Variants in TMCO6 observed in about 807,000 individuals in gnomAD.
The protein encoded by TMCO6 is transmembrane and coiled-coil domains 6, also known as transmembrane and coiled-coil domain-containing protein 6.
A neutral mutation model predicts 61.8 loss-of-function variants in TMCO6; 47 were observed. The ratio of observed to expected loss-of-function variants is 0.76; its 90% CI spans 0.60 to 0.97. The LOEUF is 0.97. Among genes scored for constraint, TMCO6 ranks in the 50% least tolerant of loss-of-function variants. The pLI is 0.00. For missense variants in TMCO6, 557 were observed against 601.6 expected, an observed-to-expected ratio of 0.93 and a Z score of 0.78; for synonymous variants, 261 against 254.2, an observed-to-expected ratio of 1.03 and a Z score of -0.25.
chr5:140,614,906 T>C, the TMCO6 span, among the ~76,000 whole-genome samples: 1 of 152,192 alleles, frequency 6.6e-6, no homozygotes, highest in African/African-American at 2.4e-5. Flanking sequence ...CAGCGGGAAG[T>C]ACTTTCAATA....
upstream of TMCO6, chr5:140,639,126 C>CT (rs1424207663): frequency 9.0e-5 from 17 of 187,930 alleles, no homozygotes; most frequent in Non-Finnish European, 1.5e-4. Context: ...CATCATGGCG[C>CT]TTCCCGCAGT....
chr5:140,613,092 G>T, the TMCO6 span, among the ~76,000 whole-genome samples: 1 of 152,102 alleles, frequency 6.6e-6, no homozygotes, highest in Non-Finnish European at 1.5e-5. Flanking sequence ...TGTTAGGATA[G>T]AAATGATGCC....
Position 140,642,954 on chromosome 5 carries a change from A to C in TMCO6, c.719A>C (p.His240Pro), listed in dbSNP as rs1184276957. ...PSILASTLPQHMLQMLQPGPK... is the reference protein window; with the variant it reads ...PSILASTLPQPMLQMLQPGPK... ...ATCTTGGCCTCCACTCTCCCTCAGCACATGCTACAAATGTTGCAACCTGGC... is the reference window on the plus strand; with the variant it reads ...ATCTTGGCCTCCACTCTCCCTCAGCCCATGCTACAAATGTTGCAACCTGGC... The change falls in exon 7 of 12, where the codon CAC becomes CCC. Residue 240 changes from histidine (H) to proline (P), a missense_variant. Coordinates refer to ENST00000394671, the MANE Select transcript of TMCO6 (RefSeq NM_018502.5). 6.2e-7 allele frequency: 1 copy of C among 1,614,038 alleles called. No individual in the cohort carries two copies. Among genetic ancestry groups the C allele is most frequent in the South Asian group, 1.1e-5 (1 of 91,074 alleles).
At chr5:140,647,261 C>CG (rs1757457193), downstream of TMCO6, 1 of 1,545,920 alleles carries the variant, frequency 6.5e-7, no homozygotes, top group African/African-American at 1.4e-5. Context: ...CTCACCGTAG[C>CG]GGGCCCAGAG....
At chr5:140,619,548 G>T in the TMCO6 span, among the ~76,000 whole-genome samples, 1 of 151,860 alleles carries the variant, frequency 6.6e-6, no homozygotes, top group Non-Finnish European at 1.5e-5. Flanking sequence ...TGGGGGGTAT[G>T]CCTGCAGCTG....
chr5:140,647,332 C>G, downstream of TMCO6: 1 of 1,605,518 alleles, frequency 6.2e-7, no homozygotes, highest in South Asian at 1.1e-5. Flanking sequence ...TCGCCTTCTT[C>G]AGCTCCACGT....
At chr5:140,643,077 C>T in intron 7 of TMCO6, 36 bp downstream of exon 7, 1 of 1,613,470 alleles carries the variant, frequency 6.2e-7, no homozygotes, top group Non-Finnish European at 8.5e-7. Flanking sequence ...ACAGATCTTC[C>T]CTGGGGCTCC....
chr5:140,640,565 A>AT (rs1195531537), intron 2 of TMCO6, among the ~76,000 whole-genome samples: 1 of 150,930 alleles, frequency 6.6e-6, no homozygotes, highest in Non-Finnish European at 1.5e-5. Context: ...GCCACCACTA[A>AT]TTTTTGTATT....
At chr5:140,606,033 T>C in the TMCO6 span, among the ~76,000 whole-genome samples, 1 of 152,146 alleles carries the variant, frequency 6.6e-6, no homozygotes. Flanking sequence ...GTAAGGTCAG[T>C]AGTAATGTTC....
the TMCO6 span, chr5:140,631,949 G>T: frequency 6.2e-7 from 1 of 1,613,142 alleles, no homozygotes; most frequent in Non-Finnish European, 8.5e-7. Flanking sequence ...CCACGCCGGA[G>T]TTCATTGAGC....
the TMCO6 span, chr5:140,632,947 G>A: frequency 3.7e-6 from 6 of 1,613,378 alleles, no homozygotes; most frequent in East Asian, 2.2e-5. The surrounding 1 kb of genome is among the most constrained non-coding windows in gnomAD (Gnocchi z 6.2). Flanking sequence ...TGCACCAGCG[G>A]CAGCAGCAGC....
the TMCO6 span, among the ~76,000 whole-genome samples, chr5:140,603,315 A>T: frequency 1.3e-5 from 2 of 151,528 alleles, no homozygotes; most frequent in African/African-American, 4.8e-5. Context: ...ATTTTATTTT[A>T]TTTTATTTTT....
At chr5:140,638,470 G>A (rs1260192543), upstream of TMCO6, among the ~76,000 whole-genome samples, 1 of 152,082 alleles carries the variant, frequency 6.6e-6, no homozygotes, top group Non-Finnish European at 1.5e-5. Flanking sequence ...AAAAGTGTGT[G>A]TGGGGGGGAG....
chr5:140,605,973 T>C, the TMCO6 span, among the ~76,000 whole-genome samples: 2 of 152,214 alleles, frequency 1.3e-5, no homozygotes, highest in Non-Finnish European at 2.9e-5. Flanking sequence ...ATTACCTAAT[T>C]TGTTGGCATA....
At chr5:140,644,441 G>A (rs763234577) in intron 10 of TMCO6, 132 bp from the exon 11 acceptor site, 7 of 1,097,302 alleles carry the variant, frequency 6.4e-6, no homozygotes, top group South Asian at 3.0e-5. Flanking sequence ...GGTAGTTGTA[G>A]GAGTATGAGA....
chr5:140,615,216 T>C, the TMCO6 span, among the ~76,000 whole-genome samples: 1 of 152,090 alleles, frequency 6.6e-6, no homozygotes, highest in East Asian at 1.9e-4. Context: ...AAAAGAATAA[T>C]AAAATACTTA....
In TMCO6 at chr5:140,642,929, A is replaced by G. The variant is rs1041155665; in HGVS notation, c.694A>G (p.Ile232Val). The stretch of plus-strand genomic sequence containing the variant: ...CAGCCCTGCTTCTGCCAGCAGCTCC[A>G]TCTTGGCCTCCACTCTCCCTCAGCA... The part of the protein sequence containing the change: ...EEAPEKIIPS[I>V]LASTLPQHML... Residue 232 changes from isoleucine to valine, a missense_variant, in exon 7 of 12, where the codon ATC becomes GTC. By Grantham distance (29) the Ile-to-Val change is conservative. Coordinates refer to ENST00000394671, the MANE Select transcript of TMCO6 (RefSeq NM_018502.5). 98 of 1,614,110 alleles carry G rather than the reference A, an allele frequency of 6.1e-5. No homozygotes were observed. Among genetic ancestry groups the G allele is most frequent in the Non-Finnish European group, 8.0e-5 (94 of 1,180,028 alleles).
At chr5:140,646,328 G>A (rs1757397172), downstream of TMCO6, among the ~76,000 whole-genome samples, 1 of 152,046 alleles carries the variant, frequency 6.6e-6, no homozygotes, top group African/African-American at 2.4e-5. Flanking sequence ...CATTCTCTAG[G>A]CTCCCATAGG....
downstream of TMCO6, chr5:140,647,345 C>T: frequency 6.2e-7 from 1 of 1,608,698 alleles, no homozygotes; most frequent in Non-Finnish European, 8.5e-7. Flanking sequence ...CTCCACGTAG[C>T]GTTTCTCAAT....
Sources: allele counts gnomAD v4.1 joint callset (sites outside exome capture counted in the v4.1 genomes callset), GRCh38; gene constraint gnomAD v4.1.1; non-coding constraint Gnocchi (gnomAD v3.1); transcripts MANE v1.5; gene names NCBI Gene and HGNC (gene_info 2026-07-23, HGNC 2026-07-21).